Variants in PRKDC observed in about 807,000 individuals in gnomAD.
The protein encoded by PRKDC is protein kinase, DNA-activated, catalytic subunit.
In PRKDC, 82 loss-of-function variants were observed where a neutral mutation model predicts 486.9. That is an observed-to-expected ratio of 0.17 (90% CI 0.14 to 0.20). The LOEUF is 0.20. PRKDC is among the 10% of genes least tolerant of loss of function. PRKDC has a pLI of 1.00. For synonymous variants in PRKDC, 1,895 were observed against 1,837.0 expected, an observed-to-expected ratio of 1.03 and a Z score of -0.81; for missense variants, 4,504 against 5,038.2, an observed-to-expected ratio of 0.89 and a Z score of 3.21.
chr8:47,893,054 C>T lies in PRKDC; in HGVS notation c.3847+85G>A, dbSNP rs1003506776. ...TGGTGCACAGCACCTACCATCATGT[C>T]GCTGGGATTCTGACCTGGCAGAGCC... On this transcript the variant is annotated intron_variant, in intron 31 of 85. Coordinates refer to ENST00000314191, the MANE Select transcript of PRKDC (RefSeq NM_006904.7). 3.5e-6 allele frequency: 5 copies of T among 1,432,618 alleles called. No homozygotes were observed. In the African/African-American group the frequency reaches 4.3e-5, roughly 12 times the overall value. 88.7% of individuals were successfully genotyped at this position (1,432,618 alleles called of 1,614,324 possible).
intron 29 of PRKDC, 24 bp downstream of exon 29, chr8:47,898,446 G>T: frequency 1.3e-6 from 2 of 1,520,102 alleles, no homozygotes; most frequent in South Asian, 1.2e-5. Context: ...GGGAAAAGAC[G>T]GAAAAGGAAG....
rs1331170782 is a variant in PRKDC at position 47,807,148 on chromosome 8, C to T, written c.9736G>A (p.Ala3246Thr). The T allele has an allele frequency of 3.1e-6, 5 of 1,613,652 alleles. No individual in the cohort carries two copies. The African/African-American group carries it at 6.7e-5, about 22-fold the overall frequency. ...FSMKMKMIDS[A>T]RKQNNFSLAM... Reference sequence around the variant, plus strand: ...ACACGAGTACCCACCTGCTTCCGGGCACTGTCTATCATCTTCATTTTCATG... The same window carrying T: ...ACACGAGTACCCACCTGCTTCCGGGTACTGTCTATCATCTTCATTTTCATG... Residue 3246 changes from alanine (A) to threonine (T), a missense_variant, in exon 69 of 86, where the codon GCC becomes ACC. Physicochemically the swap from Ala to Thr is moderately conservative, Grantham distance 58. Transcript: ENST00000314191.
At chr8:47,954,518 T>A (rs757585438) in intron 4 of PRKDC, 72 bp from the exon 5 acceptor site, 23 of 563,512 alleles carry the variant, frequency 4.1e-5, no homozygotes, top group Non-Finnish European at 5.8e-5. Flanking sequence ...AAATTAGCAT[T>A]CTCTCTAAAG....
chr8:47,774,370 G>T lies in PRKDC; in HGVS notation c.12190C>A (p.Leu4064Ile), dbSNP rs2086568794. 1.2e-6 allele frequency: 2 copies of T among 1,612,024 alleles called. No individual in the cohort carries two copies. The change falls in exon 86 of 86, where the codon CTA (leucine) becomes ATA (isoleucine). Residue 4064 changes from leucine to isoleucine, a missense_variant. Coordinates refer to ENST00000314191, the MANE Select transcript of PRKDC (RefSeq NM_006904.7). ...GGGGCCTTCTCATGACCCAGGAGTA[G>T]CTCATCACTGGAAAAAAAACAAACA... Reference protein sequence around the residue: ...ANPAVITCDELLLGHEKAPAF... With the variant: ...ANPAVITCDEILLGHEKAPAF...
chr8:47,948,726 T>C (rs894648548), intron 7 of PRKDC, among the ~76,000 whole-genome samples: 1 of 151,940 alleles, frequency 6.6e-6, no homozygotes, highest in African/African-American at 2.4e-5. Flanking sequence ...CCTCCCAAAG[T>C]GCTGGGATTA....
chr8:47,888,972 AT>A, intron 33 of PRKDC, 41 bp downstream of exon 33: 1 of 1,580,026 alleles, frequency 6.3e-7, no homozygotes, highest in African/African-American at 1.3e-5. Context: ...AGGGCCTGAA[AT>A]TCCAGGACAA....
At position 47,930,802 on chromosome 8, in the gene PRKDC, G is replaced by A. The variant is rs2090237773; in HGVS notation, c.1777-15C>T. 9.1e-6 allele frequency: 14 copies of A among 1,546,216 alleles called. No individual in the cohort carries two copies. The highest frequency in any genetic ancestry group is 1.4e-5 in the African/African-American group (1 of 72,188). ...TCATCTCCATTCTTAAAGAGTAATTGTAGCAAAGAAACATTGTACCATTCA... is the reference window on the plus strand; with the variant it reads ...TCATCTCCATTCTTAAAGAGTAATTATAGCAAAGAAACATTGTACCATTCA... On this transcript the variant is annotated splice_polypyrimidine_tract_variant and intron_variant, in intron 16 of 85. Coordinates refer to ENST00000314191, the MANE Select transcript of PRKDC (RefSeq NM_006904.7).
Position 47,935,711 on chromosome 8 carries a change from TA to T in PRKDC, c.1447+20del. The T allele has an allele frequency of 1.2e-6, 2 of 1,609,926 alleles. No homozygotes were observed. Among genetic ancestry groups the T allele is most frequent in the Non-Finnish European group, 1.7e-6 (2 of 1,177,294 alleles). ...TTAATTATCCATCATTACTCATAAA[TA>T]CAATAAATTGCAAACTTACCCACAG... On this transcript the variant is annotated intron_variant, in intron 13 of 85. Transcript: ENST00000314191.
intron 68 of PRKDC, among the ~76,000 whole-genome samples, chr8:47,814,046 T>G (rs2087390151): frequency 6.6e-6 from 1 of 152,200 alleles, no homozygotes; most frequent in African/African-American, 2.4e-5. Context: ...CGTATTGGGT[T>G]TACCCTAAGA....
intron 76 of PRKDC, among the ~76,000 whole-genome samples, chr8:47,788,504 A>G (rs886153333): frequency 6.6e-6 from 1 of 152,216 alleles, no homozygotes. Context: ...TGTCTTCTCC[A>G]TGTATCTCCT....
rs916902915 is a variant in PRKDC at position 47,798,467 on chromosome 8, G to A, written c.10298-70C>T. 4 of 1,422,444 alleles carry A rather than the reference G, an allele frequency of 2.8e-6. No homozygotes were observed. The African/African-American group carries it at 5.8e-5, about 20-fold the overall frequency. 88.1% of individuals were successfully genotyped at this position (1,422,444 alleles called of 1,614,324 possible). A position where few individuals can be genotyped will look rare whatever the true frequency, so the allele number is the denominator to read the frequency against. ...ATATCCATAAACTATGATGTTAAAT[G>A]CTAACACTTTCCCTTTTTGGCTTGT... is the stretch of plus-strand genomic sequence containing the variant. On this transcript the variant is annotated intron_variant, in intron 72 of 85. Transcript: ENST00000314191.
intron 74 of PRKDC, among the ~76,000 whole-genome samples, chr8:47,790,669 A>G (rs2086867428): frequency 6.6e-6 from 1 of 152,256 alleles, no homozygotes. Flanking sequence ...ATTATATTAC[A>G]GAGCTATAGT....
At chr8:47,913,235 G>T (rs578008205) in intron 24 of PRKDC, among the ~76,000 whole-genome samples, 1 of 152,306 alleles carries the variant, frequency 6.6e-6, no homozygotes, top group South Asian at 2.1e-4. Context: ...TGAACCTGCA[G>T]TATCACCAAG....
At chr8:47,810,697 T>C (rs1016304512) in intron 68 of PRKDC, among the ~76,000 whole-genome samples, 2 of 152,166 alleles carry the variant, frequency 1.3e-5, no homozygotes, top group African/African-American at 2.4e-5. Context: ...ATGCAATAAA[T>C]GAAAAGGTGC....
intron 7 of PRKDC, 76 bp from the exon 8 acceptor site, chr8:47,944,105 C>CCT: frequency 8.9e-7 from 1 of 1,128,928 alleles, no homozygotes; most frequent in South Asian, 1.4e-5. Context: ...CAGCTTGACA[C>CCT]CTATATTAAC....
At position 47,886,072 on chromosome 8, in the gene PRKDC, C is replaced by T. The variant is rs200350745; in HGVS notation, c.4648G>A (p.Val1550Ile). Residue 1550 changes from valine (V) to isoleucine (I), a missense_variant, in exon 36 of 86, where the codon GTC becomes ATC. Physicochemically the swap from Val to Ile is conservative, Grantham distance 29. Transcript: ENST00000314191. ...TASLGSSQGS[V>I]IHFSHGEYFY... ...TACTCCCCATGGGAGAAGTGGATGA[C>T]GCTGCCCTGTGAGCTGCCCAAGGAC... The T allele has an allele frequency of 2.0e-5, 33 of 1,613,568 alleles. No homozygotes were observed. Among genetic ancestry groups the T allele is most frequent in the African/African-American group, 6.7e-5 (5 of 74,918 alleles).
intron 76 of PRKDC, among the ~76,000 whole-genome samples, chr8:47,788,114 G>A (rs919292781): frequency 2.6e-5 from 4 of 152,198 alleles, no homozygotes; most frequent in Non-Finnish European, 5.9e-5. Context: ...AAACTAGAAA[G>A]AAAAGTCAGT....
rs1352455925 is a variant in PRKDC at position 47,887,722 on chromosome 8, A to T, written c.4414-17T>A. On this transcript the variant is annotated splice_polypyrimidine_tract_variant and intron_variant, in intron 34 of 85. Coordinates refer to ENST00000314191, the MANE Select transcript of PRKDC (RefSeq NM_006904.7). The stretch of plus-strand genomic sequence containing the variant: ...ATCTGTGGACTAAAAGGAAGCCAAC[A>T]CTGAAATGCCTAGCAAAAAGATATT... 2 of 1,589,114 alleles carry T rather than the reference A, an allele frequency of 1.3e-6. No individual in the cohort carries two copies. Among genetic ancestry groups the T allele is most frequent in the African/African-American group, 2.7e-5 (2 of 74,064 alleles).
chr8:47,930,839 C>G (rs1470259550), intron 16 of PRKDC, 52 bp from the exon 17 acceptor site: 1 of 1,483,966 alleles, frequency 6.7e-7, no homozygotes, highest in Non-Finnish European at 9.0e-7. Context: ...TCACGAATCA[C>G]TCAACAAATA....
Sources: gnomAD v4.1 joint callset for allele counts (sites outside exome capture counted in the v4.1 genomes callset) on GRCh38, gnomAD v4.1.1 for gene constraint, MANE v1.5 for transcripts, NCBI Gene and HGNC (gene_info 2026-07-23, HGNC 2026-07-21) for gene names.